The following SEPTIN9 variants were observed in gnomAD, a reference collection of about 807,000 sequenced individuals.
SEPTIN9 encodes the protein septin-9.
SEPTIN9 carries 13 observed loss-of-function variants against 56.6 expected under a neutral mutation model. The ratio of observed to expected loss-of-function variants is 0.23; its 90% CI spans 0.15 to 0.37. The LOEUF (loss-of-function observed/expected upper bound fraction) is 0.37. SEPTIN9 is among the 10% of genes least tolerant of loss of function. The pLI, the probability that SEPTIN9 is intolerant of heterozygous loss-of-function variation, is 1.00. For synonymous variants in SEPTIN9, 332 were observed against 334.1 expected (o/e 0.99, Z 0.07); for missense variants, 650 against 823.1 (o/e 0.79, Z 2.57).
rs1423925050 is a variant in SEPTIN9 at position 77,434,563 on chromosome 17, C to G, written c.721+31860C>G. Among the ~76,000 whole-genome samples, 2 of 152,078 alleles carry G rather than the reference C, an allele frequency of 1.3e-5. No homozygotes were observed. The highest frequency in any genetic ancestry group is 2.9e-5 in the Non-Finnish European group (2 of 68,004). On this transcript the variant is annotated intron_variant, in intron 3 of 11. Coordinates refer to ENST00000427177, the MANE Select transcript of SEPTIN9 (RefSeq NM_001113491.2). The surrounding 1 kb of genome is among the most constrained non-coding windows in gnomAD (Gnocchi z 5.0). ...GAGTCCCATTGGCCTGCAGGGGACC[C>G]TCTGTGGGCTGCAGGTAGTCCCCTG...
chr17:77,448,095 C>T (rs117425327), intron 3 of SEPTIN9, among the ~76,000 whole-genome samples: 1,608 of 152,238 alleles, frequency 0.011, 15 homozygotes, highest in Non-Finnish European at 0.014. Flanking sequence ...GACATGGTGC[C>T]GAGAATGATC....
intron 8 of SEPTIN9, 76 bp downstream of exon 8, chr17:77,490,935 G>A (rs565853778): frequency 1.6e-5 from 18 of 1,116,192 alleles, no homozygotes; most frequent in African/African-American, 1.1e-4. Context: ...GGGCCACCCC[G>A]TCTAAAGGAG....
At chr17:77,470,811 G>A (rs2038964318) in intron 3 of SEPTIN9, 1 of 152,294 alleles carries the variant, frequency 6.6e-6, no homozygotes, top group Non-Finnish European at 1.5e-5. Context: ...AGCTTTCATA[G>A]GCCTCTCTTT....
At chr17:77,328,662 G>T (rs1289958988) in intron 2 of SEPTIN9, among the ~76,000 whole-genome samples, 1 of 152,206 alleles carries the variant, frequency 6.6e-6, no homozygotes, top group East Asian at 1.9e-4. Context: ...CACCGTGCCT[G>T]GCCCGTCTGG....
intron 4 of SEPTIN9, chr17:77,484,225 G>A (rs1421603545): frequency 6.6e-6 from 1 of 152,316 alleles, no homozygotes; most frequent in African/African-American, 2.4e-5. Context: ...TGATGATGAT[G>A]GGGTGATGGT....
At chr17:77,465,169 T>C (rs73375395) in intron 3 of SEPTIN9, among the ~76,000 whole-genome samples, 54 of 152,326 alleles carry the variant, frequency 3.5e-4, no homozygotes, top group African/African-American at 1.3e-3. Context: ...CAGGTGCTGG[T>C]GCTTCATTCT....
rs1198856884 is a variant in SEPTIN9, at chr17:77,498,712, C to CG, written c.*54_*55insG. The CG allele has an allele frequency of 2.7e-6, 3 of 1,112,786 alleles. No homozygotes were observed. The highest frequency in any genetic ancestry group is 4.0e-6 in the Non-Finnish European group (3 of 752,120). The allele number at this position is 1,112,786 out of a possible 1,614,324, so 68.9% of individuals were successfully genotyped here. A position where few individuals can be genotyped will look rare whatever the true frequency, so the allele number is the denominator to read the frequency against. Reference sequence around the variant, plus strand: ...GCCCCCAAGTCATTTCCGTCCCCCCCCAGGCCCTCCCACCACCCCATTTTA... The same window carrying CG: ...GCCCCCAAGTCATTTCCGTCCCCCCCGCAGGCCCTCCCACCACCCCATTTTA... On this transcript the variant is annotated 3_prime_UTR_variant, in exon 12 of 12. Transcript: ENST00000427177.
chr17:77,481,449 C>T (rs902114714), intron 3 of SEPTIN9, among the ~76,000 whole-genome samples: 5 of 152,172 alleles, frequency 3.3e-5, no homozygotes, highest in Non-Finnish European at 7.3e-5. Context: ...TCCAGGCACC[C>T]GCCCTGCACC....
At chr17:77,427,405 G>T (rs1192139276) in intron 3 of SEPTIN9, among the ~76,000 whole-genome samples, 1 of 152,224 alleles carries the variant, frequency 6.6e-6, no homozygotes, top group African/African-American at 2.4e-5. Context: ...ATGACAGGGT[G>T]AGTTCCAGAA....
At chr17:77,387,659 G>A (rs1290203286) in intron 2 of SEPTIN9, among the ~76,000 whole-genome samples, 7 of 152,124 alleles carry the variant, frequency 4.6e-5, no homozygotes, top group African/African-American at 1.7e-4. Context: ...TCTGAATGGC[G>A]GCTGCTTCTG....
In SEPTIN9 at chr17:77,357,797, C is replaced by T. The variant is rs541838793; in HGVS notation, c.77-44262C>T. ...ACCCAGCTTCATTTTCAAAATTTCT[C>T]ACCAACTCCTCACTCCTTGTATTCA... On this transcript the variant is annotated intron_variant, in intron 2 of 11. Transcript: ENST00000427177. Among the ~76,000 whole-genome samples, 3 of 152,288 alleles carry T rather than the reference C, an allele frequency of 2.0e-5. No individual in the cohort carries two copies. The East Asian group carries it at 5.8e-4, about 29-fold the overall frequency.
At chr17:77,447,822 AC>A (rs1234144180) in intron 3 of SEPTIN9, among the ~76,000 whole-genome samples, 1 of 152,120 alleles carries the variant, frequency 6.6e-6, no homozygotes, top group African/African-American at 2.4e-5. Context: ...ACTGGGTTTC[AC>A]CATGTTGGTC....
intron 1 of SEPTIN9, among the ~76,000 whole-genome samples, chr17:77,284,956 ATGT>A (rs1265386888): frequency 3.3e-5 from 5 of 152,166 alleles, no homozygotes; most frequent in Admixed American, 6.5e-5. Context: ...GGACAGTGCT[ATGT>A]TGTTGTAAAG....
At chr17:77,379,793 T>C (rs2035072836) in intron 2 of SEPTIN9, among the ~76,000 whole-genome samples, 1 of 151,196 alleles carries the variant, frequency 6.6e-6, no homozygotes, top group African/African-American at 2.4e-5. Context: ...CGCCACCCCC[T>C]CCCCCGACTT....
intron 2 of SEPTIN9, among the ~76,000 whole-genome samples, chr17:77,307,780 C>T (rs2032328041): frequency 6.6e-6 from 1 of 152,192 alleles, no homozygotes; most frequent in Non-Finnish European, 1.5e-5. Flanking sequence ...CTGGGGCTGG[C>T]CGTCCAGGAC....
chr17:77,311,535 T>C (rs2032493931), intron 2 of SEPTIN9, among the ~76,000 whole-genome samples: 1 of 152,166 alleles, frequency 6.6e-6, no homozygotes. Flanking sequence ...CTGCCTCCCT[T>C]CATCCTATGC....
chr17:77,374,025 A>AGTGGACAGCCGCGTCCTGCTCGG (rs2034822616), intron 2 of SEPTIN9: 2 of 154,648 alleles, frequency 1.3e-5, no homozygotes, highest in Admixed American at 1.3e-4. Context: ...CCTCCGACTG[A>AGTGGACAGCCGCGTCCTGCTCGG]GTGGACAGCC....
intron 2 of SEPTIN9, among the ~76,000 whole-genome samples, chr17:77,364,637 C>T (rs2034518773): frequency 6.6e-6 from 1 of 152,218 alleles, no homozygotes. Context: ...CTTGCCAGCC[C>T]ACAGTTCTAC....
chr17:77,487,484 G>T lies in SEPTIN9; in HGVS notation c.974G>T (p.Arg325Leu), dbSNP rs377514245. 6.2e-7 allele frequency: 1 copy of T among 1,612,710 alleles called. No individual in the cohort carries two copies. The highest frequency in any genetic ancestry group is 8.5e-7 in the Non-Finnish European group (1 of 1,179,570). The change falls in exon 5 of 12, where the codon CGG becomes CTG. Residue 325 changes from arginine to leucine, a missense_variant. By Grantham distance (102) the Arg-to-Leu change is moderately radical. This residue lies in a region of SEPTIN9 where 333 missense variants were observed against 494.0 expected (regional missense o/e 0.67). Transcript: ENST00000427177. This position sits in a 1 kb window ranked among gnomAD's most constrained non-coding sequence, Gnocchi z 4.3. ...INTLFKSKIS[R>L]KSVQPTSEER... is the part of the protein sequence containing the mutation. ...ACCCTCTTCAAATCCAAAATCAGCC[G>T]GAAGTCGGTGCAGCCCACCTCAGAG... is the stretch of plus-strand genomic sequence containing the variant.
Sources: gnomAD v4.1 joint callset for allele counts (sites outside exome capture counted in the v4.1 genomes callset) on GRCh38, gnomAD v4.1.1 for gene constraint, gnomAD v4.1.1 regional missense constraint, Gnocchi (gnomAD v3.1) non-coding constraint, MANE v1.5 for transcripts, NCBI Gene and HGNC (gene_info 2026-07-23, HGNC 2026-07-21) for gene names.